Variants in TSPEAR observed in about 807,000 individuals in gnomAD.
The protein encoded by TSPEAR is thrombospondin-type laminin G domain and EAR repeat-containing protein.
TSPEAR carries 69 observed loss-of-function variants against 71.6 expected under a neutral mutation model. The observed-to-expected ratio is 0.96, with a 90% CI of 0.79 to 1.18. The LOEUF (loss-of-function observed/expected upper bound fraction) is 1.18, where lower values mean the gene tolerates loss of function less well. TSPEAR is among the 50% of genes most tolerant of loss of function. The probability of loss-of-function intolerance (pLI) is 0.00; values close to 1 mark genes in which losing one functional copy is unlikely to be tolerated. For synonymous variants in TSPEAR, 402 were observed against 387.2 expected (o/e 1.04, Z -0.45); for missense variants, 971 against 894.9 (o/e 1.09, Z -1.09).
chr21:44,697,799 C>T (rs782803868), intron 1 of TSPEAR: 74 of 1,613,484 alleles, frequency 4.6e-5, no homozygotes, highest in South Asian at 5.5e-5. Flanking sequence ...CCTCCTCTGC[C>T]GCCCTGTGTG....
At chr21:44,631,782 G>A (rs1384445393) in intron 1 of TSPEAR, among the ~76,000 whole-genome samples, 4 of 152,108 alleles carry the variant, frequency 2.6e-5, no homozygotes, top group Non-Finnish European at 5.9e-5. Flanking sequence ...TGGCCTGTAG[G>A]ACAACATCAA....
intron 1 of TSPEAR, among the ~76,000 whole-genome samples, chr21:44,632,620 G>A (rs1983318428): frequency 6.6e-6 from 1 of 152,148 alleles, no homozygotes; most frequent in Non-Finnish European, 1.5e-5. Flanking sequence ...CAGATCAGAA[G>A]GTCAAGGGTT....
intron 1 of TSPEAR, among the ~76,000 whole-genome samples, chr21:44,622,969 C>T (rs186210002): frequency 1.3e-5 from 2 of 152,184 alleles, no homozygotes; most frequent in Admixed American, 6.5e-5. Context: ...CACCTCCCAT[C>T]CCCCACTCTC....
chr21:44,574,634 G>T, intron 1 of TSPEAR: 1 of 1,288,014 alleles, frequency 7.8e-7, no homozygotes, highest in East Asian at 3.2e-5. Flanking sequence ...TCTGCTCTGG[G>T]GCTTCCTCTC....
chr21:44,617,233 A>T (rs1209063431), intron 1 of TSPEAR, among the ~76,000 whole-genome samples: 2 of 152,078 alleles, frequency 1.3e-5, no homozygotes, highest in African/African-American at 4.8e-5. Flanking sequence ...ACATGGGGGG[A>T]CACTTGGGCT....
Position 44,525,830 on chromosome 21 carries a change from C to T in TSPEAR, c.1159G>A (p.Ala387Thr). The T allele has an allele frequency of 6.2e-7, 1 of 1,613,998 alleles. No individual in the cohort carries two copies. The highest frequency in any genetic ancestry group is 8.5e-7 in the Non-Finnish European group (1 of 1,180,018). The change falls in exon 8 of 12, where the codon GCA (alanine) becomes ACA (threonine). Residue 387 changes from alanine to threonine, a missense_variant. Ala to Thr is a moderately conservative substitution (Grantham distance 58). Coordinates refer to ENST00000323084, the MANE Select transcript of TSPEAR (RefSeq NM_144991.3). Reference protein sequence around the residue: ...HFTIGKKIFLAVANFEPDEKG... With the variant: ...HFTIGKKIFLTVANFEPDEKG... Reference sequence around the variant, plus strand: ...TCATCTGGTTCAAAATTAGCCACTGCCAGGAAGATCTGAAAGAGAGTAAAC... The same window carrying T: ...TCATCTGGTTCAAAATTAGCCACTGTCAGGAAGATCTGAAAGAGAGTAAAC...
At chr21:44,539,564 G>C (rs2053168587) in intron 2 of TSPEAR, 1 of 1,613,684 alleles carries the variant, frequency 6.2e-7, no homozygotes, top group Non-Finnish European at 8.5e-7. Context: ...ACAGCAGATG[G>C]GCTTGCAGCA....
At chr21:44,639,763 G>A (rs587765933) in intron 1 of TSPEAR, among the ~76,000 whole-genome samples, 2 of 152,134 alleles carry the variant, frequency 1.3e-5, no homozygotes, top group African/African-American at 2.4e-5. Flanking sequence ...AGAGCCAGGA[G>A]GAGGGCCCGG....
chr21:44,656,495 T>C (rs1334309128), intron 1 of TSPEAR, among the ~76,000 whole-genome samples: 3 of 152,244 alleles, frequency 2.0e-5, no homozygotes, highest in Admixed American at 6.5e-5. Flanking sequence ...AGTTGTTCCA[T>C]TGTCTTCTGG....
intron 1 of TSPEAR, chr21:44,580,349 G>A: frequency 6.2e-7 from 1 of 1,613,934 alleles, no homozygotes; most frequent in Non-Finnish European, 8.5e-7. Context: ...GGCGCAGCAA[G>A]CCGGCTGGCA....
intron 1 of TSPEAR, chr21:44,702,530 C>A: frequency 6.2e-7 from 1 of 1,608,032 alleles, no homozygotes; most frequent in Non-Finnish European, 8.5e-7. Flanking sequence ...CCTGTCTGCT[C>A]TGGGGCTTCC....
At chr21:44,669,249 C>T (rs1443682615) in intron 1 of TSPEAR, among the ~76,000 whole-genome samples, 2 of 152,070 alleles carry the variant, frequency 1.3e-5, no homozygotes, top group Non-Finnish European at 2.9e-5. Context: ...ATGGTGCAAC[C>T]CCGCCTCTAC....
intron 1 of TSPEAR, among the ~76,000 whole-genome samples, chr21:44,669,417 T>C (rs1023779175): frequency 6.6e-6 from 1 of 151,964 alleles, no homozygotes; most frequent in Non-Finnish European, 1.5e-5. Flanking sequence ...CAGGACTCCA[T>C]CTCAAAAAAA....
Position 44,612,144 on chromosome 21 carries a change from C to T in TSPEAR, c.83-44139G>A, listed in dbSNP as rs782295068. 1.2e-6 allele frequency: 2 copies of T among 1,614,128 alleles called. No homozygotes were observed. The highest frequency in any genetic ancestry group is 1.1e-5 in the South Asian group (1 of 91,084). Reference sequence around the variant, plus strand: ...ACCAGGACGTATGTGATTGCTGCATCCACCATGTCTGTCTGCTCCAGTGAC... The same window carrying T: ...ACCAGGACGTATGTGATTGCTGCATTCACCATGTCTGTCTGCTCCAGTGAC... On this transcript the variant is annotated intron_variant, in intron 1 of 11. Transcript: ENST00000323084. The surrounding 1 kb of genome is among the most constrained non-coding windows in gnomAD (Gnocchi z 4.1).
At chr21:44,654,068 G>T (rs1984970945) in intron 1 of TSPEAR, 1 of 597,928 alleles carries the variant, frequency 1.7e-6, no homozygotes, top group Non-Finnish European at 3.0e-6. Flanking sequence ...CCCTGTGGAT[G>T]GCCCAGGCTG....
chr21:44,547,646 C>G (rs1555917862), intron 2 of TSPEAR, among the ~76,000 whole-genome samples: 1 of 152,206 alleles, frequency 6.6e-6, no homozygotes, highest in East Asian at 1.9e-4. Flanking sequence ...AGTAATTTGA[C>G]AGAGAGTTCC....
intron 1 of TSPEAR, among the ~76,000 whole-genome samples, chr21:44,643,484 C>T (rs1984131994): frequency 6.6e-6 from 1 of 152,144 alleles, no homozygotes. Context: ...AATCATCACA[C>T]AATGTGTACA....
intron 11 of TSPEAR, among the ~76,000 whole-genome samples, chr21:44,503,250 G>C (rs587658485): frequency 1.4e-5 from 2 of 144,306 alleles, no homozygotes; most frequent in South Asian, 4.5e-4. Context: ...GCCCACGGGG[G>C]GAAGCAGTGT....
At chr21:44,691,328 A>T (rs959604269) in intron 1 of TSPEAR, among the ~76,000 whole-genome samples, 1 of 152,220 alleles carries the variant, frequency 6.6e-6, no homozygotes, top group African/African-American at 2.4e-5. Context: ...TGTTAACAAC[A>T]TATGTTGTAT....
Sources: gnomAD v4.1 joint callset for allele counts (sites outside exome capture counted in the v4.1 genomes callset) on GRCh38, gnomAD v4.1.1 for gene constraint, Gnocchi (gnomAD v3.1) non-coding constraint, MANE v1.5 for transcripts, NCBI Gene and HGNC (gene_info 2026-07-23, HGNC 2026-07-21) for gene names.